Variants in S100A8 observed in about 807,000 individuals in gnomAD.
The protein encoded by S100A8 is S100 calcium binding protein A8.
Under a neutral mutation model 4.2 loss-of-function variants are expected in S100A8, and 1 was observed. That is an observed-to-expected ratio of 0.24 (90% CI 0.08 to 1.12). S100A8 has a LOEUF of 1.12. Ranked by LOEUF, S100A8 falls within the 50% of genes most tolerant of loss-of-function variation. The pLI is 0.53. For synonymous variants in S100A8, 41 were observed against 44.7 expected, an observed-to-expected ratio of 0.92 and a Z score of 0.33; for missense variants, 96 against 111.8, an observed-to-expected ratio of 0.86 and a Z score of 0.64.
chr1:153,416,105 C>T, the S100A8 span, among the ~76,000 whole-genome samples: 8 of 152,136 alleles, frequency 5.3e-5, no homozygotes, highest in African/African-American at 1.9e-4. Flanking sequence ...TTAAAACGCT[C>T]AGTAAGCGGT....
upstream of S100A8, among the ~76,000 whole-genome samples, chr1:153,394,298 C>A (rs1443557677): frequency 6.6e-6 from 1 of 152,226 alleles, no homozygotes; most frequent in South Asian, 2.1e-4. Flanking sequence ...GCTGGGTGCC[C>A]CTGCTTCGTA....
the S100A8 span, among the ~76,000 whole-genome samples, chr1:153,411,009 C>A: frequency 1.3e-5 from 2 of 152,112 alleles, no homozygotes; most frequent in Non-Finnish European, 2.9e-5. Context: ...TATGACAAAC[C>A]CACAGCCAGT....
upstream of S100A8, among the ~76,000 whole-genome samples, chr1:153,393,213 T>C (rs989512213): frequency 2.0e-5 from 3 of 152,194 alleles, no homozygotes; most frequent in Non-Finnish European, 2.9e-5. Flanking sequence ...TCAGGCATCA[T>C]CTGCTCCAAG....
the S100A8 span, among the ~76,000 whole-genome samples, chr1:153,408,668 A>G: frequency 6.6e-6 from 1 of 152,202 alleles, no homozygotes; most frequent in African/African-American, 2.4e-5. Context: ...TACAAGACAC[A>G]TAATTGTCAG....
upstream of S100A8, among the ~76,000 whole-genome samples, chr1:153,395,260 A>G (rs1361067923): frequency 1.3e-5 from 2 of 151,868 alleles, no homozygotes. Context: ...GGTTCTACTC[A>G]TTGCTCTTCC....
chr1:153,391,820 A>ATAAACACAGCATAAACACAG (rs1410842149), upstream of S100A8, among the ~76,000 whole-genome samples: 1 of 152,058 alleles, frequency 6.6e-6, no homozygotes, highest in East Asian at 1.9e-4. Flanking sequence ...GGAGCCTTTC[A>ATAAACACAGCATAAACACAG]CCCTCTCTTG....
the S100A8 span, chr1:153,396,861 G>A: frequency 6.6e-6 from 1 of 152,298 alleles, no homozygotes; most frequent in South Asian, 2.1e-4. Flanking sequence ...GGGTAACTGT[G>A]GCCTGGCCTT....
the S100A8 span, among the ~76,000 whole-genome samples, chr1:153,413,867 C>T: frequency 6.6e-6 from 1 of 151,968 alleles, no homozygotes; most frequent in African/African-American, 2.4e-5. Context: ...CACCACTGCA[C>T]TCTAACCTGG....
chr1:153,401,565 C>T, the S100A8 span, among the ~76,000 whole-genome samples: 1 of 152,114 alleles, frequency 6.6e-6, no homozygotes, highest in Non-Finnish European at 1.5e-5. Flanking sequence ...GTGTGCAGAC[C>T]AGACACTGAA....
the S100A8 span, among the ~76,000 whole-genome samples, chr1:153,412,777 A>T: frequency 6.6e-6 from 1 of 152,224 alleles, no homozygotes; most frequent in South Asian, 2.1e-4. Context: ...AATGTGGCAC[A>T]TATACACCAT....
chr1:153,419,257 A>G, the S100A8 span: 1 of 1,614,194 alleles, frequency 6.2e-7, no homozygotes, highest in Non-Finnish European at 8.5e-7. Flanking sequence ...ATAGCCGCAG[A>G]CTACCACAAG....
At chr1:153,413,856 A>G in the S100A8 span, among the ~76,000 whole-genome samples, 1 of 152,154 alleles carries the variant, frequency 6.6e-6, no homozygotes. Context: ...AGCCAAGATG[A>G]CACCACTGCA....
At chr1:153,406,440 C>T in the S100A8 span, among the ~76,000 whole-genome samples, 2 of 152,202 alleles carry the variant, frequency 1.3e-5, no homozygotes, top group Non-Finnish European at 2.9e-5. Context: ...TACTCTCTCA[C>T]CACCCAGTGC....
the S100A8 span, among the ~76,000 whole-genome samples, chr1:153,398,140 T>C: frequency 2.0e-5 from 3 of 152,002 alleles, no homozygotes; most frequent in South Asian, 6.2e-4. Context: ...GGACCAGAAG[T>C]CCTCTGGAGA....
At chr1:153,405,169 T>C in the S100A8 span, among the ~76,000 whole-genome samples, 28 of 152,018 alleles carry the variant, frequency 1.8e-4, no homozygotes, top group African/African-American at 5.5e-4. Flanking sequence ...AGATGAGGAA[T>C]GATCATTGCC....
At chr1:153,411,469 C>T in the S100A8 span, among the ~76,000 whole-genome samples, 2 of 152,006 alleles carry the variant, frequency 1.3e-5, no homozygotes, top group African/African-American at 4.8e-5. Flanking sequence ...CACTGCTCAA[C>T]GAAATAAGAG....
the S100A8 span, chr1:153,419,510 A>G: frequency 1.6e-6 from 1 of 625,082 alleles, no homozygotes; most frequent in East Asian, 2.8e-5. Flanking sequence ...CGTTCCCCCT[A>G]TGGCCTCCAG....
the S100A8 span, chr1:153,419,627 C>A: frequency 5.5e-6 from 2 of 364,554 alleles, no homozygotes; most frequent in Non-Finnish European, 1.0e-5. Flanking sequence ...AAGGCCCCTG[C>A]CAGGTCACAG....
At chr1:153,399,920 T>C in the S100A8 span, among the ~76,000 whole-genome samples, 2 of 152,036 alleles carry the variant, frequency 1.3e-5, no homozygotes, top group East Asian at 3.9e-4. Flanking sequence ...GTCCACAGGG[T>C]GCACAATGAG....
Sources: gnomAD v4.1 joint callset for allele counts (sites outside exome capture counted in the v4.1 genomes callset) on GRCh38, gnomAD v4.1.1 for gene constraint, MANE v1.5 for transcripts, NCBI Gene and HGNC (gene_info 2026-07-23, HGNC 2026-07-21) for gene names.